The following TANC2 variants were observed in gnomAD, a reference collection of about 807,000 sequenced individuals.
TANC2 encodes protein TANC2.
Under a neutral mutation model 210.5 loss-of-function variants are expected in TANC2, and 26 were observed. That is an observed-to-expected ratio of 0.12 (90% CI 0.09 to 0.17). TANC2 has a LOEUF of 0.17. TANC2 is among the 10% of genes least tolerant of loss of function. TANC2 has a pLI of 1.00. For missense variants in TANC2, 2,129 were observed against 2,608.9 expected (o/e 0.82, Z 4.01); for synonymous variants, 931 against 967.1 (o/e 0.96, Z 0.69).
chr17:63,049,236 C>T (rs2035491014), intron 2 of TANC2, among the ~76,000 whole-genome samples: 2 of 152,116 alleles, frequency 1.3e-5, no homozygotes, highest in South Asian at 4.1e-4. Context: ...TATTTGTCCT[C>T]ATGGAATTTA....
At chr17:63,278,975 A>G (rs573086641) in intron 9 of TANC2, among the ~76,000 whole-genome samples, 13 of 152,084 alleles carry the variant, frequency 8.5e-5, no homozygotes, top group Non-Finnish European at 1.6e-4. Context: ...TTCAATGGGT[A>G]TAAAGTATCA....
intron 12 of TANC2, among the ~76,000 whole-genome samples, chr17:63,341,045 T>G (rs999589242): frequency 1.1e-4 from 16 of 152,194 alleles, no homozygotes; most frequent in Non-Finnish European, 1.5e-5. Context: ...TAACAATGTT[T>G]TGTTAGTGCC....
At chr17:63,111,230 G>A (rs1459422672) in intron 4 of TANC2, among the ~76,000 whole-genome samples, 9 of 152,064 alleles carry the variant, frequency 5.9e-5, no homozygotes, top group South Asian at 2.1e-4. Flanking sequence ...CTGGAGAATC[G>A]CTTGAACCCG....
chr17:63,248,214 T>C (rs1175292244), intron 8 of TANC2, among the ~76,000 whole-genome samples: 1 of 152,110 alleles, frequency 6.6e-6, no homozygotes, highest in Non-Finnish European at 1.5e-5. Context: ...TCCTTTCTAA[T>C]GGGTACATAG....
At chr17:63,263,068 C>T (rs1190112530) in intron 8 of TANC2, among the ~76,000 whole-genome samples, 4 of 152,074 alleles carry the variant, frequency 2.6e-5, no homozygotes, top group Admixed American at 2.6e-4. Flanking sequence ...ATTCCTTTAG[C>T]TGGGTTTCCA....
chr17:63,297,467 T>A (rs1384348894), intron 9 of TANC2, among the ~76,000 whole-genome samples: 1 of 152,106 alleles, frequency 6.6e-6, no homozygotes, highest in Non-Finnish European at 1.5e-5. Flanking sequence ...GAAAGAATAG[T>A]CTCTTCAGCA....
At chr17:63,219,142 G>T (rs962092759) in intron 7 of TANC2, among the ~76,000 whole-genome samples, 3 of 152,134 alleles carry the variant, frequency 2.0e-5, no homozygotes, top group African/African-American at 7.2e-5. Context: ...CATGTTCAAA[G>T]ATCACAGTAC....
chr17:63,181,657 C>T lies in TANC2; in HGVS notation c.434-12334C>T, dbSNP rs77382719. ...CCGACACCTCCTACCACCTTAAATTCTGCTTTGTCGGGTAATAATATTGCC... is the reference window on the plus strand; with the variant it reads ...CCGACACCTCCTACCACCTTAAATTTTGCTTTGTCGGGTAATAATATTGCC... On this transcript the variant is annotated intron_variant, in intron 5 of 27. Transcript: ENST00000689528. Among the ~76,000 whole-genome samples the T allele has an allele frequency of 4.3e-3, 660 of 152,310 alleles. 5 individuals are homozygous for T. The highest frequency in any genetic ancestry group is 0.014 in the African/African-American group (575 of 41,562).
chr17:63,107,009 A>G (rs1379996897), intron 4 of TANC2, among the ~76,000 whole-genome samples: 1 of 151,712 alleles, frequency 6.6e-6, no homozygotes, highest in South Asian at 2.1e-4. Flanking sequence ...AAAGTGCCCA[A>G]ATGACCCTTA....
At chr17:63,052,147 A>G (rs540835277) in intron 2 of TANC2, among the ~76,000 whole-genome samples, 1 of 152,354 alleles carries the variant, frequency 6.6e-6, no homozygotes, top group East Asian at 1.9e-4. Context: ...TGAATATGAT[A>G]GATGAAGATT....
Position 63,059,543 on chromosome 17 carries a change from T to C in TANC2, c.68-14400T>C, listed in dbSNP as rs562215301. On this transcript the variant is annotated intron_variant, in intron 2 of 27. Transcript: ENST00000689528. ...TGTCCCACTTATTATCCAAAATAAT[T>C]TTTAGGGAGATTCCTCTTATGTATC... Among the ~76,000 whole-genome samples the C allele has an allele frequency of 5.6e-4, 85 of 152,272 alleles. 1 individual carries two copies. The highest frequency in any genetic ancestry group is 3.5e-4 in the Non-Finnish European group (24 of 68,022).
chr17:63,305,879 A>G (rs1305789057), intron 9 of TANC2, among the ~76,000 whole-genome samples: 1 of 152,154 alleles, frequency 6.6e-6, no homozygotes, highest in African/African-American at 2.4e-5. Context: ...TTGTCAGGGT[A>G]CTCTGTGAAG....
chr17:63,311,612 T>C (rs2045127375), intron 9 of TANC2, among the ~76,000 whole-genome samples: 1 of 152,158 alleles, frequency 6.6e-6, no homozygotes, highest in Admixed American at 6.5e-5. Flanking sequence ...AGAGTTTCCA[T>C]ATGAATCAGA....
chr17:63,145,151 A>T (rs2039423857), intron 4 of TANC2, among the ~76,000 whole-genome samples: 1 of 152,104 alleles, frequency 6.6e-6, no homozygotes. Context: ...GATGTTGCTT[A>T]TGTCACCGTT....
rs754237687 is a variant in TANC2 at position 63,420,651 on chromosome 17, C to A, written c.4921C>A (p.Gln1641Lys). 6.2e-7 allele frequency: 1 copy of A among 1,613,686 alleles called. No individual in the cohort carries two copies. The highest frequency in any genetic ancestry group is 8.5e-7 in the Non-Finnish European group (1 of 1,179,822). Residue 1641 changes from glutamine to lysine, a missense_variant, in exon 28 of 28, where the codon CAG becomes AAG. Physicochemically the swap from Gln to Lys is moderately conservative, Grantham distance 53. This residue lies in a region of TANC2 where 584 missense variants were observed against 627.3 expected (regional missense o/e 0.93). Coordinates refer to ENST00000689528, the Ensembl canonical transcript of TANC2. The surrounding 1 kb of genome is among the most constrained non-coding windows in gnomAD (Gnocchi z 4.2). Reference sequence around the variant, plus strand: ...TGAAAGTATGAGTGTCTATAGATCCCAGTCTGGTTCACCCGTGCGCTATCA... The same window carrying A: ...TGAAAGTATGAGTGTCTATAGATCCAAGTCTGGTTCACCCGTGCGCTATCA...
rs771213840 is a variant in TANC2, at chr17:63,273,787, A to G, written c.1159+5914A>G. ...GCTCTCACAGTGTGGTCCTGGGACC[A>G]GCAGGAGTGGCATTATCTAGGAAGT... On this transcript the variant is annotated intron_variant, in intron 9 of 27. Coordinates refer to ENST00000689528, the Ensembl canonical transcript of TANC2. 1.2e-4 allele frequency among the ~76,000 whole-genome samples: 18 copies of G among 152,330 alleles called. 1 individual carries two copies. The highest frequency in any genetic ancestry group is 6.8e-3 in the Middle Eastern group (2 of 294).
At chr17:63,323,568 C>G (rs902757245) in intron 11 of TANC2, among the ~76,000 whole-genome samples, 1 of 152,086 alleles carries the variant, frequency 6.6e-6, no homozygotes, top group Non-Finnish European at 1.5e-5. Context: ...CTGTTGTGCC[C>G]CTGTGGTAAT....
At chr17:63,369,973 C>T (rs1243253777) in intron 14 of TANC2, among the ~76,000 whole-genome samples, 2 of 152,006 alleles carry the variant, frequency 1.3e-5, no homozygotes, top group African/African-American at 4.8e-5. Context: ...TTTTGAGTAT[C>T]ACCAAAATGT....
chr17:63,174,571 A>T (rs540052386), intron 5 of TANC2, among the ~76,000 whole-genome samples: 1 of 152,154 alleles, frequency 6.6e-6, no homozygotes, highest in Non-Finnish European at 1.5e-5. Context: ...TTTCTACCAA[A>T]TTTGGTGTAA....
Sources: gnomAD v4.1 joint callset for allele counts (sites outside exome capture counted in the v4.1 genomes callset) on GRCh38, gnomAD v4.1.1 for gene constraint, gnomAD v4.1.1 regional missense constraint, Gnocchi (gnomAD v3.1) non-coding constraint, MANE v1.5 for transcripts, NCBI Gene and HGNC (gene_info 2026-07-23, HGNC 2026-07-21) for gene names.